TSPEAR: variants seen among roughly 807,000 people sequenced by gnomAD.
The protein encoded by TSPEAR is thrombospondin-type laminin G domain and EAR repeat-containing protein.
In TSPEAR, 69 loss-of-function variants were observed where a neutral mutation model predicts 71.6. The ratio of observed to expected loss-of-function variants is 0.96; its 90% CI spans 0.79 to 1.18. The LOEUF is 1.18. Among genes scored for constraint, TSPEAR ranks in the 50% most tolerant of loss-of-function variants. The pLI is 0.00. For missense variants in TSPEAR, 971 were observed against 894.9 expected (o/e 1.09, Z -1.09); for synonymous variants, 402 against 387.2 (o/e 1.04, Z -0.45).
chr21:44,558,852 C>T (rs1200941375), intron 2 of TSPEAR: 21 of 1,194,536 alleles, frequency 1.8e-5, no homozygotes, highest in Non-Finnish European at 2.4e-5. Context: ...TTGTGCTGCC[C>T]CTGCCTGGCT....
rs138644786 is a variant in TSPEAR at position 44,573,661 on chromosome 21, G to A, written c.83-5656C>T. 15 of 1,544,298 alleles carry A rather than the reference G, an allele frequency of 9.7e-6. No homozygotes were observed. The African/African-American group carries it at 2.1e-4, about 21-fold the overall frequency. On this transcript the variant is annotated intron_variant, in intron 1 of 11. Coordinates refer to ENST00000323084, the MANE Select transcript of TSPEAR (RefSeq NM_144991.3). ...CTGTCTGGACAACATGCACCAAGGAGGAGTATAAAAGCCCCACAAACCCGA... is the reference window on the plus strand; with the variant it reads ...CTGTCTGGACAACATGCACCAAGGAAGAGTATAAAAGCCCCACAAACCCGA...
In TSPEAR at chr21:44,533,881, G is replaced by A. The variant is rs782700761; in HGVS notation, c.346C>T (p.Leu116=). ...LLTVVAEESD[L]LLLGLRLSPA... ...GACAACCGCAGGCCGAGCAGCAGCA[G>A]GTCGCTCTCCTCTGCCACCACCGTC... The change falls in exon 3 of 12, where the codon CTG becomes TTG. Residue 116 remains leucine (L), a synonymous_variant. Coordinates refer to ENST00000323084, the MANE Select transcript of TSPEAR (RefSeq NM_144991.3). 2.2e-4 allele frequency: 358 copies of A among 1,612,156 alleles called. No homozygotes were observed. Among genetic ancestry groups the A allele is most frequent in the Middle Eastern group, 2.0e-3 (12 of 6,062 alleles).
At chr21:44,676,848 T>C (rs1489658468) in intron 1 of TSPEAR, 12 of 945,188 alleles carry the variant, frequency 1.3e-5, no homozygotes, top group Admixed American at 6.8e-5. Context: ...CCAAGGCTAA[T>C]GTGATGTGCT....
chr21:44,590,077 A>G (rs1361086286), intron 1 of TSPEAR, among the ~76,000 whole-genome samples: 2 of 151,760 alleles, frequency 1.3e-5, no homozygotes, highest in Admixed American at 6.5e-5. Flanking sequence ...GTCTGCCTGG[A>G]GGGGAGTGAG....
intron 1 of TSPEAR, among the ~76,000 whole-genome samples, chr21:44,657,648 G>A (rs983750410): frequency 2.0e-5 from 3 of 152,170 alleles, no homozygotes; most frequent in African/African-American, 7.2e-5. Context: ...GAAACAACGG[G>A]ATTCGGTACT....
In TSPEAR at chr21:44,538,275, G is replaced by A. The variant is rs151301191; in HGVS notation, c.304-4352C>T. On this transcript the variant is annotated intron_variant, in intron 2 of 11. Coordinates refer to ENST00000323084, the MANE Select transcript of TSPEAR (RefSeq NM_144991.3). ...GATCTTACCATTGTCCCCGCTGACG[G>A]CCTTTCCCACAGGACATCACAGGCA... 6.4e-4 allele frequency among the ~76,000 whole-genome samples: 97 copies of A among 152,246 alleles called. 1 individual carries two copies. Among genetic ancestry groups the A allele is most frequent in the African/African-American group, 2.2e-3 (93 of 41,522 alleles).
chr21:44,501,551 T>C (rs1276453814), intron 11 of TSPEAR, among the ~76,000 whole-genome samples: 2 of 152,114 alleles, frequency 1.3e-5, no homozygotes, highest in African/African-American at 2.4e-5. Context: ...GTGCCGAGAC[T>C]GGGCCACTGC....
intron 8 of TSPEAR, among the ~76,000 whole-genome samples, chr21:44,524,628 T>G (rs1269280995): frequency 6.6e-6 from 1 of 151,674 alleles, no homozygotes; most frequent in Admixed American, 6.6e-5. Context: ...GTCAGTCAGG[T>G]AGTCAGTCAT....
At position 44,612,866 on chromosome 21, in the gene TSPEAR, C is replaced by T. The variant is rs200740212; in HGVS notation, c.83-44861G>A. ...CTTCCTCTGCCGCCCCGCGTGCTCCCGCCTGGCCTGCTGAGGCCTCTGCTC... is the reference window on the plus strand; with the variant it reads ...CTTCCTCTGCCGCCCCGCGTGCTCCTGCCTGGCCTGCTGAGGCCTCTGCTC... On this transcript the variant is annotated intron_variant, in intron 1 of 11. Coordinates refer to ENST00000323084, the MANE Select transcript of TSPEAR (RefSeq NM_144991.3). This position sits in a 1 kb window ranked among gnomAD's most constrained non-coding sequence, Gnocchi z 4.1. 38 of 1,611,972 alleles carry T rather than the reference C, an allele frequency of 2.4e-5. No homozygotes were observed. The highest frequency in any genetic ancestry group is 1.6e-4 in the East Asian group (7 of 44,872).
intron 1 of TSPEAR, among the ~76,000 whole-genome samples, chr21:44,700,446 C>T (rs746313430): frequency 1.3e-5 from 2 of 152,112 alleles, no homozygotes; most frequent in Non-Finnish European, 2.9e-5. Flanking sequence ...CCAGTCCACA[C>T]GAGAAGAGCC....
At chr21:44,609,523 C>T (rs1981525834) in intron 1 of TSPEAR, among the ~76,000 whole-genome samples, 1 of 152,150 alleles carries the variant, frequency 6.6e-6, no homozygotes, top group Admixed American at 6.5e-5. Flanking sequence ...AGGGAGATCC[C>T]AGGAAACCTG....
chr21:44,565,611 AAAAT>A (rs2053692700), intron 2 of TSPEAR, among the ~76,000 whole-genome samples: 1 of 152,216 alleles, frequency 6.6e-6, no homozygotes, highest in African/African-American at 2.4e-5. Context: ...ATAAAAAACA[AAAAT>A]AGCATGATTA....
intron 1 of TSPEAR, among the ~76,000 whole-genome samples, chr21:44,664,857 C>T (rs1555944367): frequency 1.3e-5 from 2 of 152,210 alleles, no homozygotes; most frequent in Non-Finnish European, 2.9e-5. Context: ...GCCCTGAGGG[C>T]CACAGCTCCA....
At chr21:44,509,558 CGGGCGCAGAGG>C (rs1569152443) in intron 9 of TSPEAR, among the ~76,000 whole-genome samples, 172 bp from the exon 10 acceptor site, 14 of 148,496 alleles carry the variant, frequency 9.4e-5, no homozygotes, top group African/African-American at 3.3e-4. Context: ...TGTGGGTGAG[CGGGCGCAGAGG>C]TGTGGGAGAG....
chr21:44,572,580 C>T (rs2053819932), intron 1 of TSPEAR, among the ~76,000 whole-genome samples: 1 of 151,924 alleles, frequency 6.6e-6, no homozygotes, highest in Non-Finnish European at 1.5e-5. Context: ...ACAAGAAACA[C>T]TTCTGCCGTG....
At chr21:44,505,933 G>T (rs1269140198) in intron 10 of TSPEAR, among the ~76,000 whole-genome samples, 2 of 152,164 alleles carry the variant, frequency 1.3e-5, no homozygotes, top group Non-Finnish European at 2.9e-5. Context: ...GGCTGCTGGT[G>T]CCTGCTGGAG....
At chr21:44,562,000 G>A (rs890190836) in intron 2 of TSPEAR, among the ~76,000 whole-genome samples, 2 of 152,124 alleles carry the variant, frequency 1.3e-5, no homozygotes, top group African/African-American at 2.4e-5. Context: ...GCAATAGAAA[G>A]AAATAAAGAG....
chr21:44,649,088 A>G (rs1984615164), intron 1 of TSPEAR, among the ~76,000 whole-genome samples: 1 of 152,220 alleles, frequency 6.6e-6, no homozygotes, highest in African/African-American at 2.4e-5. Context: ...GTGAAACCAC[A>G]GGAAACCGCA....
chr21:44,626,322 G>C (rs587719602), intron 1 of TSPEAR, among the ~76,000 whole-genome samples: 3 of 152,224 alleles, frequency 2.0e-5, no homozygotes, highest in Non-Finnish European at 4.4e-5. Context: ...TCATGCAGCC[G>C]TGAGAGTTGC....
Sources: allele counts gnomAD v4.1 joint callset (sites outside exome capture counted in the v4.1 genomes callset), GRCh38; gene constraint gnomAD v4.1.1; non-coding constraint Gnocchi (gnomAD v3.1); transcripts MANE v1.5; gene names NCBI Gene and HGNC (gene_info 2026-07-23, HGNC 2026-07-21).